The following TMBIM4 variants were observed in gnomAD, a reference collection of about 807,000 sequenced individuals.
TMBIM4 encodes the protein protein lifeguard 4.
TMBIM4 carries 28 observed loss-of-function variants against 27.7 expected under a neutral mutation model. That is an observed-to-expected ratio of 1.01 (90% CI 0.75 to 1.38). The LOEUF (loss-of-function observed/expected upper bound fraction) is 1.38. TMBIM4 is among the 40% of genes most tolerant of loss of function. The pLI is 0.00. For synonymous variants in TMBIM4, 115 were observed against 113.1 expected, an observed-to-expected ratio of 1.02 and a Z score of -0.11; for missense variants, 265 against 277.5, an observed-to-expected ratio of 0.95 and a Z score of 0.32.
At position 66,169,937 on chromosome 12, in the gene TMBIM4, G is replaced by A. The variant is rs918744160; in HGVS notation, c.15C>T (p.Asp5=). The A allele has an allele frequency of 2.1e-5, 32 of 1,496,918 alleles. No homozygotes were observed. Among genetic ancestry groups the A allele is most frequent in the Middle Eastern group, 1.7e-4 (1 of 5,848 alleles). 92.7% of individuals were successfully genotyped at this position (1,496,918 alleles called of 1,614,324 possible). Residue 5 remains aspartate, a synonymous_variant, in exon 1 of 7, where the codon GAC becomes GAT. Coordinates refer to ENST00000358230, the MANE Select transcript of TMBIM4 (RefSeq NM_016056.4). MADP[D]PRYPRSSIED... ...CGATCGAGGAGCGAGGGTACCGGGG[G>A]TCGGGGTCAGCCATGATGGCAACAG...
intron 3 of TMBIM4, among the ~76,000 whole-genome samples, chr12:66,151,152 A>G (rs1016465768): frequency 1.1e-4 from 15 of 139,294 alleles, no homozygotes; most frequent in Non-Finnish European, 1.7e-4. Flanking sequence ...ACACAAACTC[A>G]TTATCAGAAT....
intron 1 of TMBIM4, among the ~76,000 whole-genome samples, chr12:66,155,192 G>A (rs2051910738): frequency 6.6e-6 from 1 of 151,906 alleles, no homozygotes; most frequent in African/African-American, 2.4e-5. Flanking sequence ...CACCTGCAAG[G>A]GATTTTCTGG....
intron 1 of TMBIM4, chr12:66,160,162 T>G (rs1243812109): frequency 1.4e-6 from 1 of 702,866 alleles, no homozygotes; most frequent in South Asian, 1.5e-5. Flanking sequence ...GTATGTTTCT[T>G]ACTTGGCCCT....
At chr12:66,146,902 A>G (rs2051761157) in intron 4 of TMBIM4, among the ~76,000 whole-genome samples, 1 of 152,134 alleles carries the variant, frequency 6.6e-6, no homozygotes, top group Admixed American at 6.5e-5. Context: ...TTGAAAAGAT[A>G]TTGCAATTAC....
intron 1 of TMBIM4, among the ~76,000 whole-genome samples, chr12:66,154,481 T>A (rs12823890): frequency 0.39 from 59,933 of 152,022 alleles, 12,983 homozygotes; most frequent in East Asian, 0.85. Flanking sequence ...TCATTAAATT[T>A]ATGAAGGGTA....
intron 1 of TMBIM4, 61 bp from the exon 2 acceptor site, chr12:66,153,509 T>C (rs2051886004): frequency 1.0e-6 from 1 of 1,002,722 alleles, no homozygotes; most frequent in African/African-American, 1.7e-5. Flanking sequence ...AACAGTAAAA[T>C]CAAATTTCCT....
In TMBIM4 at chr12:66,137,108, T is replaced by C. The variant is rs1264588882; in HGVS notation, c.*852A>G. 1.3e-5 allele frequency: 2 copies of C among 152,244 alleles called. No individual in the cohort carries two copies. The allele number at this position is 152,244 out of a possible 1,614,324, so 9.4% of individuals were successfully genotyped here. ...ATCTGACTTTCAGGCCAACTTTTAA[T>C]GTTAGTACAATTTAAAATAAAAAGT... On this transcript the variant is annotated 3_prime_UTR_variant, in exon 7 of 7. Transcript: ENST00000358230.
intron 1 of TMBIM4, among the ~76,000 whole-genome samples, chr12:66,164,698 T>C (rs180939700): frequency 3.4e-3 from 513 of 152,326 alleles, no homozygotes; most frequent in African/African-American, 0.012. Context: ...GGACGTTTGC[T>C]TTTGCCATTT....
rs1168755 is a variant in TMBIM4 at position 66,137,369 on chromosome 12, T to C, written c.*591A>G. 152,275 of 152,290 alleles carry C rather than the reference T, an allele frequency of 1. 76,130 individuals are homozygous for C. Among genetic ancestry groups the C allele is most frequent in the Middle Eastern group, 1 (294 of 294 alleles). The allele number at this position is 152,290 out of a possible 1,614,324, so 9.4% of individuals were successfully genotyped here. ...AATTATTTTTGAATTGCAAACGAACTGCTATGCGTGGCTAATTTAGGAAGA... is the reference window on the plus strand; with the variant it reads ...AATTATTTTTGAATTGCAAACGAACCGCTATGCGTGGCTAATTTAGGAAGA... On this transcript the variant is annotated 3_prime_UTR_variant, in exon 7 of 7. Coordinates refer to ENST00000358230, the MANE Select transcript of TMBIM4 (RefSeq NM_016056.4).
At chr12:66,155,350 G>GAGAGAGAGAGAGAGAGAGAGAGAGAT (rs2051916210) in intron 1 of TMBIM4, among the ~76,000 whole-genome samples, 1 of 151,700 alleles carries the variant, frequency 6.6e-6, no homozygotes. Context: ...GAGAGAGAGA[G>GAGAGAGAGAGAGAGAGAGAGAGAGAT]AGAGAGAGAG....
At chr12:66,145,593 A>G (rs1034519238) in intron 5 of TMBIM4, among the ~76,000 whole-genome samples, 2 of 146,916 alleles carry the variant, frequency 1.4e-5, no homozygotes, top group Non-Finnish European at 3.0e-5. Context: ...AACTCTCTGG[A>G]AAGCTTATTT....
chr12:66,137,241 A>G lies in TMBIM4; in HGVS notation c.*719T>C, dbSNP rs2051590972. On this transcript the variant is annotated 3_prime_UTR_variant, in exon 7 of 7. Transcript: ENST00000358230. Reference sequence around the variant, plus strand: ...TACAGTTTATAATGGTAAAGACTCTACTACTTCAGAATCAAAGCCAAATCA... The same window carrying G: ...TACAGTTTATAATGGTAAAGACTCTGCTACTTCAGAATCAAAGCCAAATCA... The G allele has an allele frequency of 1.3e-5, 2 of 152,208 alleles. No homozygotes were observed. The highest frequency in any genetic ancestry group is 2.9e-5 in the Non-Finnish European group (2 of 68,038). The allele number at this position is 152,208 out of a possible 1,614,324, so 9.4% of individuals were successfully genotyped here.
At position 66,136,826 on chromosome 12, in the gene TMBIM4, A is replaced by G. The variant is rs758092796; in HGVS notation, c.*1134T>C. 2 of 152,248 alleles carry G rather than the reference A, an allele frequency of 1.3e-5. No homozygotes were observed. The highest frequency in any genetic ancestry group is 2.9e-5 in the Non-Finnish European group (2 of 68,046). 9.4% of individuals were successfully genotyped at this position (152,248 alleles called of 1,614,324 possible). A position where few individuals can be genotyped will look rare whatever the true frequency, so the allele number is the denominator to read the frequency against. On this transcript the variant is annotated 3_prime_UTR_variant, in exon 7 of 7. Transcript: ENST00000358230. ...GCCACCCAAGCTGTAGAACTTTGTT[A>G]TGGCAGCCTAACAAACTAGTACAGT...
chr12:66,148,285 A>G (rs1396827718), intron 3 of TMBIM4, among the ~76,000 whole-genome samples: 1 of 152,204 alleles, frequency 6.6e-6, no homozygotes, highest in Non-Finnish European at 1.5e-5. Context: ...ATAAAACCTC[A>G]ATACCTCACA....
intron 4 of TMBIM4, 144 bp downstream of exon 4, chr12:66,147,764 C>T (rs2051775265): frequency 3.5e-6 from 2 of 565,280 alleles, no homozygotes; most frequent in Non-Finnish European, 5.9e-6. Context: ...TTTGCTTATA[C>T]TTTAGAAATT....
At chr12:66,159,863 G>C (rs1338697173) in intron 1 of TMBIM4, among the ~76,000 whole-genome samples, 1 of 152,204 alleles carries the variant, frequency 6.6e-6, no homozygotes, top group East Asian at 1.9e-4. Flanking sequence ...GTCACCACTA[G>C]ATCCCTAACA....
chr12:66,158,472 C>T lies in TMBIM4; in HGVS notation c.98-5024G>A, dbSNP rs181693146. Among the ~76,000 whole-genome samples, 394 of 151,738 alleles carry T rather than the reference C, an allele frequency of 2.6e-3. 1 individual carries two copies. The highest frequency in any genetic ancestry group is 9.2e-3 in the African/African-American group (380 of 41,354). On this transcript the variant is annotated intron_variant, in intron 1 of 6. Transcript: ENST00000358230. ...TGGCCAACATGGTGAAACCCCGTCT[C>T]TACTAAAAATACAAAAATTAGCTGG...
intron 4 of TMBIM4, among the ~76,000 whole-genome samples, chr12:66,146,330 A>G (rs1316420597): frequency 6.6e-6 from 1 of 152,166 alleles, no homozygotes; most frequent in Non-Finnish European, 1.5e-5. Context: ...TGGTTTAAAT[A>G]TCAATAGGGA....
intron 1 of TMBIM4, among the ~76,000 whole-genome samples, chr12:66,158,665 A>C (rs1176928430): frequency 1.3e-5 from 2 of 151,574 alleles, no homozygotes; most frequent in Non-Finnish European, 2.9e-5. Context: ...AAAAAATTCA[A>C]ACAATAGGGC....
Sources: allele counts gnomAD v4.1 joint callset (sites outside exome capture counted in the v4.1 genomes callset), GRCh38; gene constraint gnomAD v4.1.1; transcripts MANE v1.5; gene names NCBI Gene and HGNC (gene_info 2026-07-23, HGNC 2026-07-21).